The following LSAMP variants were observed in gnomAD, a reference collection of about 807,000 sequenced individuals.
LSAMP encodes limbic system-associated membrane protein.
In LSAMP, 7 loss-of-function variants were observed where a neutral mutation model predicts 38.6. That is an observed-to-expected ratio of 0.18 (90% CI 0.10 to 0.34). The LOEUF (loss-of-function observed/expected upper bound fraction) is 0.34, where lower values mean the gene tolerates loss of function less well. Among genes scored for constraint, LSAMP ranks in the 10% least tolerant of loss-of-function variants. The pLI is 1.00. For missense variants in LSAMP, 313 were observed against 420.0 expected (o/e 0.75, Z 2.23); for synonymous variants, 154 against 166.8 (o/e 0.92, Z 0.59).
intron 3 of LSAMP, among the ~76,000 whole-genome samples, chr3:115,946,085 C>T (rs1938088962): frequency 6.6e-6 from 1 of 152,098 alleles, no homozygotes; most frequent in Non-Finnish European, 1.5e-5. Flanking sequence ...AAGGAGACTT[C>T]CCATTTCTAG....
intron 2 of LSAMP, among the ~76,000 whole-genome samples, chr3:116,043,509 A>G (rs1323353413): frequency 6.6e-6 from 1 of 152,218 alleles, no homozygotes; most frequent in African/African-American, 2.4e-5. Flanking sequence ...TTTCCTGGGC[A>G]TAAAAGCAGC....
intron 1 of LSAMP, among the ~76,000 whole-genome samples, chr3:116,333,986 C>G (rs1233258415): frequency 6.6e-6 from 1 of 151,490 alleles, no homozygotes; most frequent in African/African-American, 2.4e-5. Flanking sequence ...ATGAAAATGA[C>G]AAATCTTTAC....
chr3:115,990,744 A>G (rs1348570084), intron 3 of LSAMP, among the ~76,000 whole-genome samples: 2 of 152,068 alleles, frequency 1.3e-5, no homozygotes, highest in Non-Finnish European at 2.9e-5. Flanking sequence ...TACCTGTCAC[A>G]CTAACATGAA....
At chr3:115,884,458 A>ATTC (rs1426375547) in intron 3 of LSAMP, among the ~76,000 whole-genome samples, 5 of 152,108 alleles carry the variant, frequency 3.3e-5, no homozygotes, top group Admixed American at 2.6e-4. Context: ...GACATTAAAT[A>ATTC]TTCTAATTCA....
intron 3 of LSAMP, among the ~76,000 whole-genome samples, chr3:115,928,842 G>A (rs1937530444): frequency 6.6e-6 from 1 of 152,132 alleles, no homozygotes; most frequent in Non-Finnish European, 1.5e-5. Context: ...GGAATTCTGA[G>A]GGAATGTTAA....
At chr3:116,389,234 C>G (rs2048663228) in intron 1 of LSAMP, among the ~76,000 whole-genome samples, 1 of 152,142 alleles carries the variant, frequency 6.6e-6, no homozygotes. Flanking sequence ...AACACAGGCT[C>G]TCTAGTGTCT....
Position 116,009,101 on chromosome 3 carries a change from G to A in LSAMP, c.514+10414C>T, listed in dbSNP as rs996141964. Among the ~76,000 whole-genome samples the A allele has an allele frequency of 3.9e-5, 6 of 152,100 alleles. No individual in the cohort carries two copies. The South Asian group carries it at 6.2e-4, about 16-fold the overall frequency. ...ACCTCTCAATCTCTAGGCTGAAACA[G>A]AAAAATTGAAAATATAAAACATTGT... On this transcript the variant is annotated intron_variant, in intron 3 of 6. Transcript: ENST00000490035.
At chr3:116,340,951 T>C (rs1239352961) in intron 1 of LSAMP, among the ~76,000 whole-genome samples, 1 of 152,052 alleles carries the variant, frequency 6.6e-6, no homozygotes, top group East Asian at 1.9e-4. Flanking sequence ...TGATGACCTC[T>C]ATATGTATCA....
At chr3:116,308,942 C>G (rs1219725735) in intron 1 of LSAMP, among the ~76,000 whole-genome samples, 1 of 152,052 alleles carries the variant, frequency 6.6e-6, no homozygotes, top group African/African-American at 2.4e-5. Flanking sequence ...ATACATTTTA[C>G]AAATTTACAG....
At chr3:116,326,332 C>A (rs984490012) in intron 1 of LSAMP, among the ~76,000 whole-genome samples, 73 of 151,984 alleles carry the variant, frequency 4.8e-4, no homozygotes, top group Non-Finnish European at 8.4e-4. Flanking sequence ...ATTGTTTTTC[C>A]TGGCTATTTT....
intron 2 of LSAMP, among the ~76,000 whole-genome samples, chr3:116,065,946 CAT>C (rs747226150): frequency 5.3e-5 from 8 of 152,148 alleles, no homozygotes; most frequent in African/African-American, 1.7e-4. Context: ...AATATACACT[CAT>C]GTGTTTATAT....
intron 3 of LSAMP, among the ~76,000 whole-genome samples, chr3:116,003,982 G>A (rs1353277546): frequency 1.3e-5 from 2 of 152,180 alleles, no homozygotes; most frequent in African/African-American, 2.4e-5. Flanking sequence ...ATACACAGAC[G>A]TAGTTAGTTG....
At chr3:116,350,341 C>A (rs1428624238) in intron 1 of LSAMP, among the ~76,000 whole-genome samples, 4 of 152,028 alleles carry the variant, frequency 2.6e-5, no homozygotes, top group African/African-American at 7.2e-5. Flanking sequence ...CTATGTACCC[C>A]ATATGACTGT....
At chr3:116,296,400 C>T (rs1232621482) in intron 1 of LSAMP, among the ~76,000 whole-genome samples, 1 of 152,096 alleles carries the variant, frequency 6.6e-6, no homozygotes, top group East Asian at 1.9e-4. Context: ...AGGTGTCAGG[C>T]TTACACAGAA....
intron 3 of LSAMP, among the ~76,000 whole-genome samples, chr3:115,902,593 T>A (rs1423185720): frequency 1.3e-5 from 2 of 152,120 alleles, no homozygotes; most frequent in Non-Finnish European, 2.9e-5. Flanking sequence ...AAACTATGCA[T>A]CTGTCAAAGG....
At chr3:115,944,795 C>A (rs1413397480) in intron 3 of LSAMP, among the ~76,000 whole-genome samples, 1 of 152,164 alleles carries the variant, frequency 6.6e-6, no homozygotes, top group Non-Finnish European at 1.5e-5. Context: ...ATATCTAACA[C>A]CATAGCCAGA....
At chr3:116,375,292 G>A (rs1020837471) in intron 1 of LSAMP, among the ~76,000 whole-genome samples, 1 of 151,702 alleles carries the variant, frequency 6.6e-6, no homozygotes, top group Non-Finnish European at 1.5e-5. Context: ...GAAAGTATTG[G>A]AAAAAGAAAA....
chr3:115,871,820 G>A (rs573314352), intron 3 of LSAMP, among the ~76,000 whole-genome samples: 3 of 152,080 alleles, frequency 2.0e-5, no homozygotes, highest in Non-Finnish European at 4.4e-5. Flanking sequence ...AGTTATACAA[G>A]CTAGAAAAAG....
At chr3:116,071,846 A>G (rs149428791) in intron 2 of LSAMP, among the ~76,000 whole-genome samples, 57 of 152,254 alleles carry the variant, frequency 3.7e-4, no homozygotes, top group Non-Finnish European at 5.7e-4. Flanking sequence ...GAGAACATGC[A>G]GTGTATGGTT....
Sources: gnomAD v4.1 joint callset for allele counts (sites outside exome capture counted in the v4.1 genomes callset) on GRCh38, gnomAD v4.1.1 for gene constraint, MANE v1.5 for transcripts, NCBI Gene and HGNC (gene_info 2026-07-23, HGNC 2026-07-21) for gene names.